The following PDE3B variants were observed in gnomAD, a reference collection of about 807,000 sequenced individuals.
PDE3B encodes the protein cGMP-inhibited 3',5'-cyclic phosphodiesterase 3B.
PDE3B carries 66 observed loss-of-function variants against 116.8 expected under a neutral mutation model. The observed-to-expected ratio is 0.56, with a 90% CI of 0.46 to 0.69. The LOEUF is 0.69. Ranked by LOEUF, PDE3B falls within the 30% of genes least tolerant of loss-of-function variation. PDE3B has a pLI of 0.00. For synonymous variants in PDE3B, 595 were observed against 533.6 expected, an observed-to-expected ratio of 1.12 and a Z score of -1.59; for missense variants, 1,384 against 1,368.1, an observed-to-expected ratio of 1.01 and a Z score of -0.18.
intron 1 of PDE3B, among the ~76,000 whole-genome samples, chr11:14,713,242 C>T (rs1855761648): frequency 6.6e-6 from 1 of 152,088 alleles, no homozygotes; most frequent in African/African-American, 2.4e-5. Context: ...TGCTGAGTAT[C>T]AACTAAGTGT....
At position 14,831,711 on chromosome 11, in the gene PDE3B, C is replaced by A; in HGVS notation, c.2028C>A (p.Asn676Lys). The A allele has an allele frequency of 6.2e-7, 1 of 1,600,434 alleles. No individual in the cohort carries two copies. Among genetic ancestry groups the A allele is most frequent in the Non-Finnish European group, 8.5e-7 (1 of 1,170,134 alleles). The change falls in exon 9 of 16, where the codon AAC (asparagine) becomes AAA (lysine). Residue 676 changes from asparagine (N) to lysine (K), a missense_variant. Coordinates refer to ENST00000282096, the MANE Select transcript of PDE3B (RefSeq NM_000922.4). ...ACTCATTAATAGAAAAGATGAGCAA[C>A]TGGAATTTTCCAATTTTTGAACTTG... ...EYDSLIEKMS[N>K]WNFPIFELVE... is the part of the protein sequence containing the mutation.
intron 5 of PDE3B, among the ~76,000 whole-genome samples, chr11:14,815,879 A>T (rs1379969192): frequency 6.6e-6 from 1 of 152,148 alleles, no homozygotes; most frequent in Admixed American, 6.5e-5. Context: ...TAAAAAGTAA[A>T]GGTACGGTGC....
chr11:14,759,661 G>T (rs1366606507), intron 1 of PDE3B, among the ~76,000 whole-genome samples: 1 of 149,334 alleles, frequency 6.7e-6, no homozygotes, highest in Non-Finnish European at 1.5e-5. Flanking sequence ...TGATTCTTCT[G>T]CCTCAGCTTC....
chr11:14,817,783 A>G (rs1288288393), intron 5 of PDE3B, among the ~76,000 whole-genome samples: 1 of 152,222 alleles, frequency 6.6e-6, no homozygotes, highest in African/African-American at 2.4e-5. Flanking sequence ...TATTGAATTG[A>G]AAATAATTCA....
At chr11:14,887,578 A>G in the PDE3B span, 1 of 984,620 alleles carries the variant, frequency 1.0e-6, no homozygotes, top group South Asian at 4.7e-5. Flanking sequence ...TTATGGGCTA[A>G]TTATAATGCT....
At chr11:14,794,449 G>T (rs769192035) in intron 4 of PDE3B, among the ~76,000 whole-genome samples, 1 of 151,930 alleles carries the variant, frequency 6.6e-6, no homozygotes, top group Non-Finnish European at 1.5e-5. Flanking sequence ...GAGTAGTTGG[G>T]ACTACAGGCA....
At position 14,858,643 on chromosome 11, in the gene PDE3B, AGAAATGTATTCTGAAAC is replaced by A. The variant is rs546438269; in HGVS notation, c.2521-399_2521-383del. On this transcript the variant is annotated intron_variant, in intron 12 of 15. Coordinates refer to ENST00000282096, the MANE Select transcript of PDE3B (RefSeq NM_000922.4). ...ATTGACTCCAGAATGACTAAACAAC[AGAAATGTATTCTGAAAC>A]CTGCTCTAGATCCCTAATGACTTTA... Among the ~76,000 whole-genome samples, 9 of 152,320 alleles carry A rather than the reference AGAAATGTATTCTGAAAC, an allele frequency of 5.9e-5. No individual in the cohort carries two copies. In the East Asian group the frequency reaches 1.7e-3, roughly 29 times the overall value.
chr11:14,773,096 A>G (rs1857691712), intron 2 of PDE3B: 1 of 152,016 alleles, frequency 6.6e-6, no homozygotes, highest in African/African-American at 2.4e-5. Flanking sequence ...TTTTTTGTAG[A>G]TACCCTTTAG....
At chr11:14,753,820 T>C (rs940364947) in intron 1 of PDE3B, among the ~76,000 whole-genome samples, 2 of 152,114 alleles carry the variant, frequency 1.3e-5, no homozygotes, top group African/African-American at 4.8e-5. Context: ...ATGCAGGAGA[T>C]TTTAAAAACT....
intron 1 of PDE3B, among the ~76,000 whole-genome samples, chr11:14,660,137 G>C (rs1435753062): frequency 6.6e-6 from 1 of 152,174 alleles, no homozygotes; most frequent in Admixed American, 6.5e-5. Context: ...AACCCTAAGA[G>C]CCATTCTGGA....
At chr11:14,895,124 T>C in the PDE3B span, among the ~76,000 whole-genome samples, 1 of 152,148 alleles carries the variant, frequency 6.6e-6, no homozygotes, top group Non-Finnish European at 1.5e-5. Flanking sequence ...TCTCCTGGGG[T>C]CCCTTTCTGT....
chr11:14,768,897 G>A (rs1479751916), intron 1 of PDE3B, among the ~76,000 whole-genome samples: 2 of 151,512 alleles, frequency 1.3e-5, no homozygotes, highest in Non-Finnish European at 3.0e-5. Context: ...GAATTCCTGG[G>A]TCATTCATCT....
chr11:14,771,890 T>C (rs779046647), intron 1 of PDE3B, 47 bp from the exon 2 acceptor site: 2 of 837,560 alleles, frequency 2.4e-6, no homozygotes. Context: ...TTACATATAC[T>C]TTTTTGTTTA....
At chr11:14,826,276 G>A (rs1231878680) in intron 7 of PDE3B, among the ~76,000 whole-genome samples, 1 of 152,096 alleles carries the variant, frequency 6.6e-6, no homozygotes, top group Non-Finnish European at 1.5e-5. Flanking sequence ...AATCAGAGCT[G>A]AACTGAAGGT....
intron 10 of PDE3B, among the ~76,000 whole-genome samples, chr11:14,833,758 A>G (rs1316349666): frequency 6.6e-6 from 1 of 152,192 alleles, no homozygotes; most frequent in African/African-American, 2.4e-5. Flanking sequence ...TTCAATTGGC[A>G]TAACTCACTA....
At chr11:14,863,280 A>G (rs548104946) in intron 14 of PDE3B, among the ~76,000 whole-genome samples, 1 of 152,304 alleles carries the variant, frequency 6.6e-6, no homozygotes, top group Admixed American at 6.5e-5. Flanking sequence ...CCAGTCTATC[A>G]TTAATGGGCA....
At chr11:14,666,998 G>A (rs1160576777) in intron 1 of PDE3B, among the ~76,000 whole-genome samples, 3 of 151,714 alleles carry the variant, frequency 2.0e-5, no homozygotes, top group Non-Finnish European at 4.4e-5. Flanking sequence ...TGTTTATTGC[G>A]GCATTATTCA....
the PDE3B span, chr11:14,892,174 G>A: frequency 9.3e-6 from 15 of 1,610,672 alleles, no homozygotes; most frequent in African/African-American, 1.3e-5. Context: ...GAGCGCCGCC[G>A]CGCCCTCTTC....
Position 14,644,657 on chromosome 11 carries a change from G to A in PDE3B, c.582G>A (p.Ala194=). Reference sequence around the variant, plus strand: ...CGCACACGCCCCCGGAGGCGGCAGCGGGCAGGTTGCTGCTGGTGCTGAGCT... The same window carrying A: ...CGCACACGCCCCCGGAGGCGGCAGCAGGCAGGTTGCTGCTGGTGCTGAGCT... The part of the protein sequence containing the change: ...AAPHTPPEAA[A]GRLLLVLSCV... Residue 194 remains alanine, a synonymous_variant, in exon 1 of 16, where the codon GCG becomes GCA. Coordinates refer to ENST00000282096, the MANE Select transcript of PDE3B (RefSeq NM_000922.4). The A allele has an allele frequency of 6.7e-7, 1 of 1,499,308 alleles. No individual in the cohort carries two copies. The highest frequency in any genetic ancestry group is 8.9e-7 in the Non-Finnish European group (1 of 1,128,014). 92.9% of individuals were successfully genotyped at this position (1,499,308 alleles called of 1,614,324 possible). A position where few individuals can be genotyped will look rare whatever the true frequency, so the allele number is the denominator to read the frequency against.
Sources: gnomAD v4.1 joint callset for allele counts (sites outside exome capture counted in the v4.1 genomes callset) on GRCh38, gnomAD v4.1.1 for gene constraint, MANE v1.5 for transcripts, NCBI Gene and HGNC (gene_info 2026-07-23, HGNC 2026-07-21) for gene names.